MAP3K9: variants seen among roughly 807,000 people sequenced by gnomAD.
The protein encoded by MAP3K9 is mixed lineage kinase 1 (tyr and ser/thr specificity).
Under a neutral mutation model 95.8 loss-of-function variants are expected in MAP3K9, and 46 were observed. The observed-to-expected ratio is 0.48, with a 90% CI of 0.38 to 0.61. MAP3K9 has a LOEUF of 0.61. MAP3K9 is among the 20% of genes least tolerant of loss of function. MAP3K9 has a pLI of 0.00. For missense variants in MAP3K9, 1,296 were observed against 1,474.3 expected (o/e 0.88, Z 1.98); for synonymous variants, 533 against 593.8 (o/e 0.90, Z 1.49).
intron 5 of MAP3K9, among the ~76,000 whole-genome samples, chr14:70,744,796 G>A (rs1444357011): frequency 6.6e-6 from 1 of 152,214 alleles, no homozygotes; most frequent in African/African-American, 2.4e-5. Flanking sequence ...CACTGCTAGG[G>A]GGAGAGCTGA....
In MAP3K9 at chr14:70,760,962, T is replaced by C. The variant is rs1007063483; in HGVS notation, c.1001+40A>G. ...TCTTGAAATGTGTGTGCCACCAAGA[T>C]GGACCTAGGAAATGCTGTCCCTGCC... On this transcript the variant is annotated intron_variant, in intron 3 of 11. Coordinates refer to ENST00000554752, the MANE Select transcript of MAP3K9 (RefSeq NM_001284230.2). 6.3e-6 allele frequency: 10 copies of C among 1,599,380 alleles called. No homozygotes were observed. The African/African-American group carries it at 8.0e-5, about 13-fold the overall frequency.
chr14:70,808,467 G>C (rs1420968271), intron 1 of MAP3K9, among the ~76,000 whole-genome samples: 4 of 152,110 alleles, frequency 2.6e-5, no homozygotes, highest in Non-Finnish European at 5.9e-5. Context: ...AAGGGACTGG[G>C]AAACTGGCAA....
rs1168740105 is a variant in MAP3K9 at position 70,732,916 on chromosome 14, T to G, written c.2453A>C (p.Lys818Thr). The change falls in exon 11 of 12, where the codon AAG (lysine) becomes ACG (threonine). Residue 818 changes from lysine (K) to threonine (T), a missense_variant. Coordinates refer to ENST00000554752, the MANE Select transcript of MAP3K9 (RefSeq NM_001284230.2). ...TCCTAGCAACAGCATGGGCTCCTCC[T>G]TCTTGAAAAGCTTTCGGGATGGGGG... ...TSPPSRKLFK[K>T]EEPMLLLGDP... 6.2e-7 allele frequency: 1 copy of G among 1,613,812 alleles called. No individual in the cohort carries two copies. Among genetic ancestry groups the G allele is most frequent in the Non-Finnish European group, 8.5e-7 (1 of 1,179,870 alleles).
At chr14:70,794,226 A>C (rs1263534381) in intron 2 of MAP3K9, among the ~76,000 whole-genome samples, 1 of 152,234 alleles carries the variant, frequency 6.6e-6, no homozygotes, top group Non-Finnish European at 1.5e-5. Context: ...ATTTAAGCTG[A>C]CATCTGAAAA....
In MAP3K9 at chr14:70,808,776, C is replaced by T. The variant is rs1357577421; in HGVS notation, c.396G>A (p.Pro132=). 2 of 1,520,386 alleles carry T rather than the reference C, an allele frequency of 1.3e-6. No individual in the cohort carries two copies. Among genetic ancestry groups the T allele is most frequent in the Non-Finnish European group, 1.8e-6 (2 of 1,131,662 alleles). The allele number at this position is 1,520,386 out of a possible 1,614,324, so 94.2% of individuals were successfully genotyped here. A position where few individuals can be genotyped will look rare whatever the true frequency, so the allele number is the denominator to read the frequency against. ...CCGCCTTCGCCTTACACTGAATGGG[C>T]GGGTAGCAACTGGGGTCCTCGCCGC... ...QPGGEDPSCY[P]PIQLLEIDFA... Residue 132 remains proline (P), a synonymous_variant, in exon 1 of 12, where the codon CCG becomes CCA. Coordinates refer to ENST00000554752, the MANE Select transcript of MAP3K9 (RefSeq NM_001284230.2).
At chr14:70,786,096 T>C (rs1230043648) in intron 2 of MAP3K9, among the ~76,000 whole-genome samples, 1 of 152,206 alleles carries the variant, frequency 6.6e-6, no homozygotes, top group East Asian at 1.9e-4. Flanking sequence ...TTAAGTCATC[T>C]GAAGCTTATG....
chr14:70,793,771 G>C (rs1264516836), intron 2 of MAP3K9, among the ~76,000 whole-genome samples: 1 of 152,162 alleles, frequency 6.6e-6, no homozygotes, highest in Non-Finnish European at 1.5e-5. Context: ...GGAGATGTAA[G>C]GGATGCTCCT....
At chr14:70,756,423 T>A (rs967941476) in intron 3 of MAP3K9, among the ~76,000 whole-genome samples, 1 of 150,568 alleles carries the variant, frequency 6.6e-6, no homozygotes, top group African/African-American at 2.4e-5. Flanking sequence ...CAAGAGAGAG[T>A]TGAGTGTGAC....
chr14:70,740,083 G>A lies in MAP3K9; in HGVS notation c.1649C>T (p.Pro550Leu), dbSNP rs776237182. Residue 550 changes from proline (P) to leucine (L), a missense_variant, in exon 7 of 12, where the codon CCT becomes CTT. This residue lies in a region of MAP3K9 where 377 missense variants were observed against 417.1 expected (regional missense o/e 0.90). Transcript: ENST00000554752. ...KSLINSRSSP[P>L]ASPTIIPRLR... The stretch of plus-strand genomic sequence containing the variant: ...GCGAGGAATGATGGTGGGGCTTGCA[G>A]GAGGACTGGAGCGGCTGTTGATAAG... The A allele has an allele frequency of 5.0e-6, 8 of 1,614,212 alleles. No individual in the cohort carries two copies. The highest frequency in any genetic ancestry group is 1.7e-5 in the Admixed American group (1 of 60,020).
At chr14:70,798,579 C>T (rs1042988851) in intron 2 of MAP3K9, among the ~76,000 whole-genome samples, 7 of 145,098 alleles carry the variant, frequency 4.8e-5, no homozygotes, top group African/African-American at 1.5e-4. Flanking sequence ...CCCGGGTTCA[C>T]GCCATTCTCC....
chr14:70,757,586 C>CTCAG (rs1343616483), intron 3 of MAP3K9, among the ~76,000 whole-genome samples: 1 of 151,872 alleles, frequency 6.6e-6, no homozygotes, highest in Admixed American at 6.6e-5. Context: ...ATGCAAAGGA[C>CTCAG]TCAGAATGGC....
intron 1 of MAP3K9, among the ~76,000 whole-genome samples, chr14:70,801,306 T>C (rs2054927680): frequency 6.6e-6 from 1 of 152,154 alleles, no homozygotes; most frequent in Non-Finnish European, 1.5e-5. Context: ...CTATAAACAT[T>C]CATGAAAAAA....
Position 70,808,783 on chromosome 14 carries a change from C to G in MAP3K9, c.389G>C (p.Cys130Ser). 1 of 1,580,118 alleles carries G rather than the reference C, an allele frequency of 6.3e-7. No homozygotes were observed. Among genetic ancestry groups the G allele is most frequent in the Admixed American group, 1.8e-5 (1 of 55,484 alleles). Residue 130 changes from cysteine (C) to serine (S), a missense_variant, in exon 1 of 12, where the codon TGC becomes TCC. By Grantham distance (112) the Cys-to-Ser change is moderately radical. This residue lies in a region of MAP3K9 where 338 missense variants were observed against 363.4 expected (regional missense o/e 0.93). Coordinates refer to ENST00000554752, the MANE Select transcript of MAP3K9 (RefSeq NM_001284230.2). ...CGCCTTACACTGAATGGGCGGGTAGCAACTGGGGTCCTCGCCGCCGGGCTG... is the reference window on the plus strand; with the variant it reads ...CGCCTTACACTGAATGGGCGGGTAGGAACTGGGGTCCTCGCCGCCGGGCTG... ...RCQPGGEDPS[C>S]YPPIQLLEID...
At chr14:70,736,102 A>G in intron 8 of MAP3K9, 73 bp from the exon 9 acceptor site, 1 of 980,736 alleles carries the variant, frequency 1.0e-6, no homozygotes, top group South Asian at 1.3e-5. Context: ...ACACCAAAAC[A>G]CCCAAGGCTG....
At chr14:70,785,945 C>T (rs2139835469) in intron 2 of MAP3K9, among the ~76,000 whole-genome samples, 1 of 152,204 alleles carries the variant, frequency 6.6e-6, no homozygotes, top group South Asian at 2.1e-4. Flanking sequence ...AGTGAAATGG[C>T]AGATAAGAGG....
At chr14:70,782,033 G>A (rs1487184446) in intron 2 of MAP3K9, among the ~76,000 whole-genome samples, 3 of 152,190 alleles carry the variant, frequency 2.0e-5, no homozygotes, top group Non-Finnish European at 4.4e-5. Context: ...TGGCCTACCT[G>A]CCCTATTACC....
At chr14:70,765,396 A>G in intron 2 of MAP3K9, 1 of 646,944 alleles carries the variant, frequency 1.5e-6, no homozygotes, top group Non-Finnish European at 2.8e-6. Flanking sequence ...CTATGGTGGT[A>G]TACAGTAATG....
chr14:70,778,128 G>T (rs982670879), intron 2 of MAP3K9, among the ~76,000 whole-genome samples: 1 of 152,040 alleles, frequency 6.6e-6, no homozygotes, highest in South Asian at 2.1e-4. Context: ...TTTGAGACAA[G>T]GTATCACTCT....
chr14:70,775,274 C>A (rs753125889), intron 2 of MAP3K9, among the ~76,000 whole-genome samples: 5 of 152,060 alleles, frequency 3.3e-5, no homozygotes, highest in Non-Finnish European at 7.4e-5. Flanking sequence ...GGCTATCCTG[C>A]AAGTTGGGTA....
Sources: gnomAD v4.1 joint callset for allele counts (sites outside exome capture counted in the v4.1 genomes callset) on GRCh38, gnomAD v4.1.1 for gene constraint, gnomAD v4.1.1 regional missense constraint, MANE v1.5 for transcripts, NCBI Gene and HGNC (gene_info 2026-07-23, HGNC 2026-07-21) for gene names.